STIM2: variants seen among roughly 807,000 people sequenced by gnomAD.
STIM2 encodes stromal interaction molecule 2.
In STIM2, 31 loss-of-function variants were observed where a neutral mutation model predicts 85.8. The observed-to-expected ratio is 0.36, with a 90% CI of 0.27 to 0.49. STIM2 has a LOEUF of 0.49. Among genes scored for constraint, STIM2 ranks in the 20% least tolerant of loss-of-function variants. The pLI is 0.98. For synonymous variants in STIM2, 356 were observed against 331.1 expected (o/e 1.08, Z -0.82); for missense variants, 841 against 927.6 (o/e 0.91, Z 1.21).
At chr4:26,906,966 C>CA (rs33976513) in intron 1 of STIM2, among the ~76,000 whole-genome samples, 158 of 116,572 alleles carry the variant, frequency 1.4e-3, no homozygotes, top group East Asian at 4.1e-3. Flanking sequence ...GACTCCGTCT[C>CA]AAAAAAAAAA....
At chr4:26,992,552 A>G (rs1405512050) in intron 3 of STIM2, among the ~76,000 whole-genome samples, 1 of 152,070 alleles carries the variant, frequency 6.6e-6, no homozygotes, top group East Asian at 1.9e-4. Context: ...AAAAAAGGTT[A>G]TATAGTAATG....
At chr4:26,983,835 A>G (rs1727487799) in intron 3 of STIM2, among the ~76,000 whole-genome samples, 1 of 152,152 alleles carries the variant, frequency 6.6e-6, no homozygotes, top group South Asian at 2.1e-4. Flanking sequence ...CTGATGTTTT[A>G]TTTATTTAAT....
intron 2 of STIM2, among the ~76,000 whole-genome samples, chr4:26,933,023 C>G (rs1560211522): frequency 6.6e-6 from 1 of 152,050 alleles, no homozygotes; most frequent in African/African-American, 2.4e-5. Flanking sequence ...CTGGTATGAT[C>G]TGTGGATATC....
At chr4:26,902,436 T>C (rs779336922) in intron 1 of STIM2, among the ~76,000 whole-genome samples, 1 of 152,154 alleles carries the variant, frequency 6.6e-6, no homozygotes, top group Non-Finnish European at 1.5e-5. Context: ...AGAGTATAGC[T>C]ACATTTAGGA....
chr4:26,981,132 C>G (rs2109113444), intron 3 of STIM2, among the ~76,000 whole-genome samples: 1 of 152,268 alleles, frequency 6.6e-6, no homozygotes, highest in Admixed American at 6.5e-5. Flanking sequence ...CAAGTCTCTA[C>G]ATAACACTTA....
At chr4:26,866,551 A>G (rs763310903) in intron 1 of STIM2, among the ~76,000 whole-genome samples, 8 of 152,190 alleles carry the variant, frequency 5.3e-5, no homozygotes, top group Non-Finnish European at 1.0e-4. Flanking sequence ...GAGGAGGCAT[A>G]TGCAAGAATA....
intron 3 of STIM2, among the ~76,000 whole-genome samples, chr4:26,963,827 C>A (rs941117989): frequency 6.6e-6 from 1 of 152,052 alleles, no homozygotes; most frequent in South Asian, 2.1e-4. Context: ...GATGTAAATG[C>A]GAAATCCTTC....
At chr4:26,900,474 A>G in intron 1 of STIM2, among the ~76,000 whole-genome samples, 1 of 152,196 alleles carries the variant, frequency 6.6e-6, no homozygotes, top group East Asian at 1.9e-4. Flanking sequence ...AATCTAGACA[A>G]AGAGAGCCTT....
chr4:26,999,751 A>G (rs544383880), intron 5 of STIM2, among the ~76,000 whole-genome samples: 80 of 152,218 alleles, frequency 5.3e-4, no homozygotes, highest in Non-Finnish European at 9.3e-4. Context: ...TTCACTAAAC[A>G]CCAAGAAAAT....
At chr4:26,894,139 G>A (rs1347840077) in intron 1 of STIM2, among the ~76,000 whole-genome samples, 1 of 152,072 alleles carries the variant, frequency 6.6e-6, no homozygotes, top group Non-Finnish European at 1.5e-5. Flanking sequence ...CACCCGCCTC[G>A]GCCTCCCAAA....
intron 1 of STIM2, among the ~76,000 whole-genome samples, chr4:26,894,538 A>AT (rs778868359): frequency 2.1e-3 from 292 of 139,240 alleles, no homozygotes; most frequent in Middle Eastern, 7.4e-3. Context: ...TTGCAGCACC[A>AT]TTTTTTTTTT....
chr4:26,880,058 G>A (rs1722946700), intron 1 of STIM2, among the ~76,000 whole-genome samples: 1 of 152,176 alleles, frequency 6.6e-6, no homozygotes. Flanking sequence ...CCCCGCTTTA[G>A]AGGCTTATGT....
At chr4:26,944,571 A>T (rs187994347) in intron 2 of STIM2, among the ~76,000 whole-genome samples, 113 of 152,290 alleles carry the variant, frequency 7.4e-4, no homozygotes, top group South Asian at 1.7e-3. Flanking sequence ...AAAATTTGTT[A>T]AAATAGAAGC....
At chr4:26,881,194 G>A (rs574564483) in intron 1 of STIM2, among the ~76,000 whole-genome samples, 5 of 152,190 alleles carry the variant, frequency 3.3e-5, no homozygotes, top group African/African-American at 9.6e-5. Context: ...GGCTGGGCGC[G>A]GTAGCTCATG....
intron 1 of STIM2, among the ~76,000 whole-genome samples, chr4:26,871,316 A>G (rs1242052971): frequency 6.6e-6 from 1 of 152,176 alleles, no homozygotes; most frequent in Non-Finnish European, 1.5e-5. Flanking sequence ...GTTAAAGCAT[A>G]AGGTATATAT....
At chr4:26,983,484 A>G (rs969819862) in intron 3 of STIM2, among the ~76,000 whole-genome samples, 7 of 152,262 alleles carry the variant, frequency 4.6e-5, no homozygotes, top group Non-Finnish European at 8.8e-5. Context: ...GTGAATTATT[A>G]GATTTTTAAA....
At chr4:26,916,653 G>C (rs771170484) in intron 1 of STIM2, among the ~76,000 whole-genome samples, 3 of 152,056 alleles carry the variant, frequency 2.0e-5, no homozygotes, top group African/African-American at 4.8e-5. Flanking sequence ...CCTTTTAGCA[G>C]TCTCTACCTG....
intron 11 of STIM2, chr4:27,019,711 C>T (rs1246089587): frequency 2.8e-6 from 1 of 351,708 alleles, no homozygotes; most frequent in South Asian, 2.3e-5. Flanking sequence ...CGGAGTCTCG[C>T]TCTGTTGGAA....
intron 1 of STIM2, among the ~76,000 whole-genome samples, chr4:26,878,238 G>A (rs1722883311): frequency 2.6e-5 from 4 of 152,078 alleles, no homozygotes; most frequent in Non-Finnish European, 2.9e-5. Flanking sequence ...TCTTAGGTAG[G>A]GCTCGTAAGC....
Sources: gnomAD v4.1 joint callset for allele counts (sites outside exome capture counted in the v4.1 genomes callset) on GRCh38, gnomAD v4.1.1 for gene constraint, MANE v1.5 for transcripts, NCBI Gene and HGNC (gene_info 2026-07-23, HGNC 2026-07-21) for gene names.